The following NKAIN3 variants were observed in gnomAD, a reference collection of about 807,000 sequenced individuals.
The protein encoded by NKAIN3 is sodium/potassium-transporting ATPase subunit beta-1-interacting protein 3.
A neutral mutation model predicts 30.2 loss-of-function variants in NKAIN3; 25 were observed. The observed-to-expected ratio is 0.83, with a 90% CI of 0.60 to 1.16. NKAIN3 has a LOEUF of 1.16. Among genes scored for constraint, NKAIN3 ranks in the 50% most tolerant of loss-of-function variants. The pLI, the probability that NKAIN3 is intolerant of heterozygous loss-of-function variation, is 0.00. For missense variants in NKAIN3, 225 were observed against 254.1 expected, an observed-to-expected ratio of 0.89 and a Z score of 0.78; for synonymous variants, 91 against 89.6, an observed-to-expected ratio of 1.02 and a Z score of -0.09.
intron 1 of NKAIN3, among the ~76,000 whole-genome samples, chr8:62,522,801 T>C (rs182318388): frequency 6.6e-6 from 1 of 152,120 alleles, no homozygotes; most frequent in Non-Finnish European, 1.5e-5. Context: ...TTTACAGCTG[T>C]AAAGTGCATT....
chr8:62,808,634 C>T (rs1818382714), intron 4 of NKAIN3, among the ~76,000 whole-genome samples: 1 of 152,042 alleles, frequency 6.6e-6, no homozygotes, highest in African/African-American at 2.4e-5. Context: ...GCCACAAAAC[C>T]AGCAAGTTTT....
chr8:62,676,628 A>T (rs4562311), intron 3 of NKAIN3, among the ~76,000 whole-genome samples: 9,424 of 152,206 alleles, frequency 0.062, 889 homozygotes, highest in African/African-American at 0.2. Context: ...AGGTTTAAAA[A>T]CTAAAAATAT....
At chr8:62,480,843 T>C (rs185574157) in intron 1 of NKAIN3, among the ~76,000 whole-genome samples, 1 of 152,026 alleles carries the variant, frequency 6.6e-6, no homozygotes, top group Non-Finnish European at 1.5e-5. Context: ...TTTCTCAGTG[T>C]CTTAGGGAAC....
intron 2 of NKAIN3, among the ~76,000 whole-genome samples, chr8:62,588,930 A>G (rs1034999560): frequency 4.6e-5 from 7 of 151,884 alleles, no homozygotes; most frequent in African/African-American, 1.4e-4. Context: ...TGACTGGATG[A>G]GAGGAGCCAT....
intron 5 of NKAIN3, among the ~76,000 whole-genome samples, chr8:62,943,944 AT>A (rs1823050314): frequency 1.3e-5 from 2 of 151,838 alleles, no homozygotes; most frequent in South Asian, 4.2e-4. Flanking sequence ...TCACTTATAA[AT>A]GGGAGCTAAG....
intron 5 of NKAIN3, among the ~76,000 whole-genome samples, chr8:62,922,737 G>A (rs1400117117): frequency 6.7e-6 from 1 of 150,214 alleles, no homozygotes; most frequent in African/African-American, 2.5e-5. Flanking sequence ...GATTCTCACA[G>A]TGCATATATT....
At chr8:62,372,224 A>G (rs529537411) in intron 1 of NKAIN3, among the ~76,000 whole-genome samples, 2 of 151,854 alleles carry the variant, frequency 1.3e-5, no homozygotes, top group African/African-American at 4.8e-5. Flanking sequence ...AAGAAAAAAA[A>G]TGTTTTAGGT....
chr8:62,901,474 G>T (rs1242819270), intron 4 of NKAIN3, among the ~76,000 whole-genome samples: 1 of 152,138 alleles, frequency 6.6e-6, no homozygotes, highest in East Asian at 1.9e-4. Flanking sequence ...TGAGAAAGCT[G>T]ATACTGTGGC....
At chr8:62,400,203 T>A (rs1052937109) in intron 1 of NKAIN3, among the ~76,000 whole-genome samples, 2 of 147,832 alleles carry the variant, frequency 1.4e-5, no homozygotes, top group Non-Finnish European at 3.0e-5. Flanking sequence ...TTTCACTCTG[T>A]CACCCAGACT....
intron 1 of NKAIN3, among the ~76,000 whole-genome samples, chr8:62,297,417 T>G (rs1177032013): frequency 2.6e-5 from 4 of 152,016 alleles, no homozygotes; most frequent in Non-Finnish European, 4.4e-5. Flanking sequence ...TTTCGCAACC[T>G]ACTCATCTGA....
intron 1 of NKAIN3, among the ~76,000 whole-genome samples, chr8:62,528,949 A>G (rs1017586781): frequency 5.9e-5 from 9 of 152,192 alleles, no homozygotes; most frequent in African/African-American, 1.9e-4. Flanking sequence ...AATGAGGTAT[A>G]TAGAAGCTAT....
At chr8:62,457,907 A>T (rs1805867892) in intron 1 of NKAIN3, among the ~76,000 whole-genome samples, 1 of 152,166 alleles carries the variant, frequency 6.6e-6, no homozygotes, top group African/African-American at 2.4e-5. Flanking sequence ...TAAAACAGAC[A>T]TGTGGCCAAG....
At position 62,461,160 on chromosome 8, in the gene NKAIN3, A is replaced by G. The variant is rs544725637; in HGVS notation, c.55-118379A>G. Among the ~76,000 whole-genome samples, 27 of 152,210 alleles carry G rather than the reference A, an allele frequency of 1.8e-4. 1 individual carries two copies. Among genetic ancestry groups the G allele is most frequent in the Non-Finnish European group, 3.4e-4 (23 of 68,040 alleles). Reference sequence around the variant, plus strand: ...TTGTTGAAAGTATGTCTCAACACACACATAGAGTCCCTCAGCAAAGACAGA... The same window carrying G: ...TTGTTGAAAGTATGTCTCAACACACGCATAGAGTCCCTCAGCAAAGACAGA... On this transcript the variant is annotated intron_variant, in intron 1 of 6. Transcript: ENST00000623646.
chr8:62,887,297 G>C (rs1418543283), intron 4 of NKAIN3, among the ~76,000 whole-genome samples: 4 of 151,706 alleles, frequency 2.6e-5, no homozygotes, highest in African/African-American at 9.7e-5. Flanking sequence ...CTGATTTTAA[G>C]TTATGAATCT....
intron 3 of NKAIN3, among the ~76,000 whole-genome samples, chr8:62,672,982 T>A (rs1384862606): frequency 6.6e-6 from 1 of 152,246 alleles, no homozygotes; most frequent in African/African-American, 2.4e-5. Context: ...ACTGGTTTAC[T>A]GGTCATAACA....
chr8:62,620,640 A>T (rs993234142), intron 3 of NKAIN3, among the ~76,000 whole-genome samples: 8 of 152,158 alleles, frequency 5.3e-5, no homozygotes, highest in Non-Finnish European at 8.8e-5. Flanking sequence ...ATCTAACACA[A>T]AAAGAAAGGT....
chr8:62,329,244 A>G (rs1815253126), intron 1 of NKAIN3, among the ~76,000 whole-genome samples: 1 of 152,106 alleles, frequency 6.6e-6, no homozygotes, highest in African/African-American at 2.4e-5. Context: ...CTGTGAGAAA[A>G]TAAGTGTTTA....
At chr8:62,388,006 A>G (rs889843709) in intron 1 of NKAIN3, among the ~76,000 whole-genome samples, 4 of 152,196 alleles carry the variant, frequency 2.6e-5, no homozygotes, top group Admixed American at 6.6e-5. Context: ...GGTTTTAGCC[A>G]TGGGTAAATT....
chr8:62,319,852 T>C (rs1461406322), intron 1 of NKAIN3, among the ~76,000 whole-genome samples: 2 of 152,210 alleles, frequency 1.3e-5, no homozygotes, highest in African/African-American at 4.8e-5. Context: ...TTAGGTCTGC[T>C]TGGTGCTGAG....
Sources: gnomAD v4.1 joint callset for allele counts (sites outside exome capture counted in the v4.1 genomes callset) on GRCh38, gnomAD v4.1.1 for gene constraint, MANE v1.5 for transcripts, NCBI Gene and HGNC (gene_info 2026-07-23, HGNC 2026-07-21) for gene names.